Variants in USH2A observed in about 807,000 individuals in gnomAD.
The protein encoded by USH2A is Usher syndrome 2A (autosomal recessive, mild).
In USH2A, 443 loss-of-function variants were observed where a neutral mutation model predicts 538.9. The observed-to-expected ratio is 0.82, with a 90% CI of 0.76 to 0.89. The LOEUF (loss-of-function observed/expected upper bound fraction) is 0.89. USH2A is among the 40% of genes least tolerant of loss of function. The pLI is 0.00. For synonymous variants in USH2A, 2,413 were observed against 2,273.5 expected (o/e 1.06, Z -1.75); for missense variants, 6,633 against 6,324.8 (o/e 1.05, Z -1.65).
At chr1:216,135,858 A>G (rs1443858030) in intron 21 of USH2A, among the ~76,000 whole-genome samples, 1 of 152,158 alleles carries the variant, frequency 6.6e-6, no homozygotes, top group East Asian at 1.9e-4. Flanking sequence ...CTGCATTTAT[A>G]GTCCAAAATT....
intron 13 of USH2A, among the ~76,000 whole-genome samples, chr1:216,235,131 T>C (rs1159745728): frequency 1.3e-5 from 2 of 152,198 alleles, no homozygotes; most frequent in Non-Finnish European, 2.9e-5. Flanking sequence ...ATTACCTCCT[T>C]TTATGACTTC....
chr1:215,759,277 T>C (rs1029521011), intron 57 of USH2A, among the ~76,000 whole-genome samples: 7 of 152,122 alleles, frequency 4.6e-5, no homozygotes, highest in Admixed American at 4.6e-4. Flanking sequence ...ATATGTGGTG[T>C]AGCAAGTAGA....
intron 40 of USH2A, among the ~76,000 whole-genome samples, chr1:215,898,299 A>G (rs1665402474): frequency 6.6e-6 from 1 of 152,208 alleles, no homozygotes; most frequent in African/African-American, 2.4e-5. Context: ...CAAGCCCTAA[A>G]TACCACAACA....
At chr1:215,976,310 T>G (rs1222348491) in intron 35 of USH2A, among the ~76,000 whole-genome samples, 1 of 152,166 alleles carries the variant, frequency 6.6e-6, no homozygotes, top group Non-Finnish European at 1.5e-5. Flanking sequence ...ATTTCTTTCT[T>G]GTGCCTGATT....
chr1:216,030,403 TGA>T (rs1669085570), intron 32 of USH2A, among the ~76,000 whole-genome samples: 1 of 134,872 alleles, frequency 7.4e-6, no homozygotes, highest in Non-Finnish European at 1.5e-5. Flanking sequence ...GATATATATA[TGA>T]TATATAGATA....
chr1:216,359,295 G>A (rs1343655028), intron 4 of USH2A, among the ~76,000 whole-genome samples: 2 of 151,972 alleles, frequency 1.3e-5, no homozygotes, highest in African/African-American at 4.8e-5. Context: ...GAAAATTGAT[G>A]TTCAAAGAGT....
At chr1:216,299,915 CT>C (rs1418855493) in intron 9 of USH2A, among the ~76,000 whole-genome samples, 1 of 152,092 alleles carries the variant, frequency 6.6e-6, no homozygotes, top group Non-Finnish European at 1.5e-5. Flanking sequence ...ACATATGCAA[CT>C]AAATGACACA....
At chr1:216,163,494 T>C (rs1471378340) in intron 21 of USH2A, among the ~76,000 whole-genome samples, 1 of 152,078 alleles carries the variant, frequency 6.6e-6, no homozygotes, top group East Asian at 1.9e-4. Flanking sequence ...ATCTTATCTT[T>C]TGGTTATTTG....
chr1:215,747,319 C>G (rs533234520), intron 58 of USH2A, among the ~76,000 whole-genome samples: 83 of 152,148 alleles, frequency 5.5e-4, no homozygotes, highest in African/African-American at 2.0e-3. Flanking sequence ...GATATCATAA[C>G]AAAAATTAAA....
chr1:216,200,003 T>C lies in USH2A; in HGVS notation c.3435A>G (p.Pro1145=). Residue 1145 remains proline (P), a synonymous_variant, in exon 17 of 72, where the codon CCA becomes CCG. Transcript: ENST00000307340. ...AAGTCAAGTTTCCCTCTGGGACCCC[T>C]GGTTTTGTCTTGTAAGTGACAGCTA... ...RSVAVTYKTK[P]GVPEGNLTLS... 6.2e-7 allele frequency: 1 copy of C among 1,614,130 alleles called. No homozygotes were observed.
chr1:215,753,453 C>T (rs1660684782), intron 58 of USH2A, among the ~76,000 whole-genome samples: 1 of 152,138 alleles, frequency 6.6e-6, no homozygotes, highest in Non-Finnish European at 1.5e-5. Flanking sequence ...AAATGTGGCA[C>T]ATATACACCA....
chr1:216,206,917 T>C (rs1212753883), intron 16 of USH2A, among the ~76,000 whole-genome samples: 1 of 152,152 alleles, frequency 6.6e-6, no homozygotes, highest in African/African-American at 2.4e-5. Flanking sequence ...AAAGGAAAGA[T>C]TTTTTCATAG....
At chr1:216,311,566 C>A (rs569533412) in intron 9 of USH2A, among the ~76,000 whole-genome samples, 83 of 152,028 alleles carry the variant, frequency 5.5e-4, no homozygotes, top group African/African-American at 1.9e-3. Context: ...GTTAATTTTT[C>A]TTTTTGGCGG....
At chr1:215,822,362 G>A (rs563900168) in intron 47 of USH2A, among the ~76,000 whole-genome samples, 2 of 151,674 alleles carry the variant, frequency 1.3e-5, no homozygotes, top group African/African-American at 4.8e-5. Context: ...TGATTCCTAG[G>A]TATTTTATAT....
At chr1:216,107,353 C>A (rs1389459999) in intron 21 of USH2A, among the ~76,000 whole-genome samples, 3 of 151,768 alleles carry the variant, frequency 2.0e-5, no homozygotes, top group African/African-American at 7.2e-5. Flanking sequence ...TCTTCTTAAT[C>A]AATTGACTAT....
chr1:216,285,553 C>A (rs960343591), intron 11 of USH2A, among the ~76,000 whole-genome samples: 5 of 152,220 alleles, frequency 3.3e-5, no homozygotes, highest in African/African-American at 4.8e-5. Flanking sequence ...GTCAGACCCC[C>A]CACACAGAGT....
intron 3 of USH2A, among the ~76,000 whole-genome samples, chr1:216,411,080 CA>C (rs2039481747): frequency 6.6e-6 from 1 of 151,448 alleles, no homozygotes; most frequent in Non-Finnish European, 1.5e-5. Flanking sequence ...AATAGAGTTC[CA>C]TTTAAAAAAA....
intron 67 of USH2A, among the ~76,000 whole-genome samples, chr1:215,645,997 GT>G (rs1045060048): frequency 1.3e-5 from 2 of 151,736 alleles, no homozygotes; most frequent in African/African-American, 2.4e-5. Flanking sequence ...TGGCTAAAGA[GT>G]TTTTTTAATG....
intron 9 of USH2A, among the ~76,000 whole-genome samples, chr1:216,313,969 T>C (rs1052828220): frequency 6.6e-6 from 1 of 152,190 alleles, no homozygotes; most frequent in Admixed American, 6.5e-5. Context: ...TTGGTGATTA[T>C]CAGATTTCTG....
Sources: gnomAD v4.1 joint callset for allele counts (sites outside exome capture counted in the v4.1 genomes callset) on GRCh38, gnomAD v4.1.1 for gene constraint, MANE v1.5 for transcripts, NCBI Gene and HGNC (gene_info 2026-07-23, HGNC 2026-07-21) for gene names.